Variants in IFT46 observed in about 807,000 individuals in gnomAD.
The protein encoded by IFT46 is intraflagellar transport 46, also known as intraflagellar transport protein 46 homolog.
A neutral mutation model predicts 39.6 loss-of-function variants in IFT46; 19 were observed. The observed-to-expected ratio is 0.48, with a 90% CI of 0.33 to 0.70. IFT46 has a LOEUF of 0.70. Among genes scored for constraint, IFT46 ranks in the 30% least tolerant of loss-of-function variants. IFT46 has a pLI of 0.01. For missense variants in IFT46, 334 were observed against 364.8 expected (o/e 0.92, Z 0.69); for synonymous variants, 117 against 134.8 (o/e 0.87, Z 0.91).
intron 2 of IFT46, chr11:118,560,473 AG>A (rs1298463983): frequency 2.2e-5 from 2 of 92,760 alleles, no homozygotes; most frequent in East Asian, 3.2e-4. Flanking sequence ...AGGGGAGGGG[AG>A]GGGGAAAAGA....
At chr11:118,562,427 A>G (rs1938090930) in intron 2 of IFT46, among the ~76,000 whole-genome samples, 1 of 151,948 alleles carries the variant, frequency 6.6e-6, no homozygotes. Context: ...GTGACAGAGC[A>G]AAACTCTGTC....
chr11:118,559,945 G>T, intron 2 of IFT46, 81 bp from the exon 3 acceptor site: 2 of 774,422 alleles, frequency 2.6e-6, no homozygotes, highest in Non-Finnish European at 2.2e-6. Context: ...AATATTTTAT[G>T]CTCTAACCAT....
chr11:118,561,371 A>C lies in IFT46; in HGVS notation c.-35-1507T>G, dbSNP rs1938049677. On this transcript the variant is annotated intron_variant, in intron 2 of 11. Transcript: ENST00000264021. ...GAACCAGTTCTCTCAATGCATAAAGAAGAGCGTAACTCCAGACATGATGGA... is the reference window on the plus strand; with the variant it reads ...GAACCAGTTCTCTCAATGCATAAAGCAGAGCGTAACTCCAGACATGATGGA... 1.0e-5 allele frequency: 9 copies of C among 859,396 alleles called. No homozygotes were observed. The South Asian group carries it at 1.2e-4, about 11-fold the overall frequency. The allele number at this position is 859,396 out of a possible 1,614,324, so 53.2% of individuals were successfully genotyped here.
In IFT46 at chr11:118,551,816, C is replaced by T; in HGVS notation, c.642G>A (p.Trp214Ter). 6.2e-7 allele frequency: 1 copy of T among 1,614,090 alleles called. No homozygotes were observed. Among genetic ancestry groups the T allele is most frequent in the Non-Finnish European group, 8.5e-7 (1 of 1,180,010 alleles). ...MPDIDTLMQEWSPEFEELLGK... is the reference protein window; with the variant it reads ...MPDIDTLMQE ...CCAAAAGCTCTTCAAACTCCGGGGACCATTCCTGCATCAGCGTGTCAATGT... is the reference window on the plus strand; with the variant it reads ...CCAAAAGCTCTTCAAACTCCGGGGATCATTCCTGCATCAGCGTGTCAATGT... The change falls in exon 9 of 12, where the codon TGG becomes TGA. Residue 214 changes from tryptophan (W) to a stop codon, truncating the protein, a stop_gained. Coordinates refer to ENST00000264021, the MANE Select transcript of IFT46 (RefSeq NM_001168618.2). LOFTEE classifies it high-confidence loss of function.
intron 3 of IFT46, among the ~76,000 whole-genome samples, chr11:118,558,576 C>G (rs1937920818): frequency 6.6e-6 from 1 of 151,798 alleles, no homozygotes; most frequent in South Asian, 2.1e-4. Flanking sequence ...GCTTAGGCAA[C>G]AGAGCGAGAT....
intron 1 of IFT46, chr11:118,572,465 G>C (rs1012958741): frequency 6.7e-7 from 1 of 1,496,276 alleles, no homozygotes; most frequent in Non-Finnish European, 9.2e-7. Context: ...CAGGTCCAGA[G>C]CTGCTGGTGC....
intron 8 of IFT46, 22 bp from the exon 9 acceptor site, chr11:118,551,874 T>A (rs1390360040): frequency 4.4e-6 from 7 of 1,607,984 alleles, no homozygotes; most frequent in Non-Finnish European, 6.0e-6. Context: ...AAGGTAAATA[T>A]GAACAAGAAA....
intron 4 of IFT46, 135 bp downstream of exon 4, chr11:118,556,771 G>C: frequency 9.2e-7 from 1 of 1,090,162 alleles, no homozygotes; most frequent in Non-Finnish European, 1.3e-6. Flanking sequence ...TTGGGTTTCT[G>C]AGACATCTGA....
intron 2 of IFT46, chr11:118,561,137 G>T (rs1938042717): frequency 4.1e-6 from 6 of 1,471,632 alleles, no homozygotes; most frequent in Admixed American, 3.4e-5. Context: ...TACAGGTCTT[G>T]CCAGAACTAC....
At chr11:118,554,175 T>C (rs1363443102) in intron 7 of IFT46, among the ~76,000 whole-genome samples, 1 of 151,458 alleles carries the variant, frequency 6.6e-6, no homozygotes, top group African/African-American at 2.4e-5. Context: ...CTCAGCCTCC[T>C]GAGTAGCTGG....
intron 3 of IFT46, chr11:118,557,689 A>T (rs782489449): frequency 2.5e-6 from 4 of 1,605,406 alleles, no homozygotes; most frequent in African/African-American, 2.7e-5. Context: ...ATGACTACAC[A>T]TTCTCTCTCA....
At chr11:118,545,252 C>T (rs1211291214) in intron 11 of IFT46, among the ~76,000 whole-genome samples, 157 bp downstream of exon 11, 2 of 152,122 alleles carry the variant, frequency 1.3e-5, no homozygotes, top group East Asian at 3.9e-4. Flanking sequence ...AAAACTCCAT[C>T]CCTGCCTCCT....
At chr11:118,572,354 C>CA (rs1555072522) in intron 1 of IFT46, 2 of 143,396 alleles carry the variant, frequency 1.4e-5, no homozygotes, top group African/African-American at 5.1e-5. Context: ...CCCCGCCCCC[C>CA]CCCCCGCCCT....
intron 2 of IFT46, 46 bp from the exon 3 acceptor site, chr11:118,559,910 TA>T: frequency 1.8e-6 from 2 of 1,104,356 alleles, no homozygotes; most frequent in Non-Finnish European, 2.7e-6. Context: ...AAATGATTTT[TA>T]AAAACAAGTA....
At chr11:118,560,978 A>T in intron 2 of IFT46, 1 of 1,380,994 alleles carries the variant, frequency 7.2e-7, no homozygotes, top group Non-Finnish European at 1.0e-6. Context: ...TTATGCTGCA[A>T]CTTATTGTAC....
intron 2 of IFT46, chr11:118,560,971 T>C (rs2135505424): frequency 7.4e-7 from 1 of 1,358,282 alleles, no homozygotes; most frequent in East Asian, 2.3e-5. Flanking sequence ...TGACAAATTA[T>C]GCTGCAACTT....
chr11:118,555,982 T>A (rs1439397636), intron 4 of IFT46, among the ~76,000 whole-genome samples: 4 of 151,414 alleles, frequency 2.6e-5, no homozygotes, highest in Admixed American at 6.6e-5. Flanking sequence ...AAAAAAAAAA[T>A]TATAGAAGTG....
intron 9 of IFT46, 121 bp from the exon 10 acceptor site, chr11:118,545,974 T>G: frequency 6.1e-6 from 5 of 819,128 alleles, no homozygotes; most frequent in Middle Eastern, 2.2e-4. Flanking sequence ...TGAAATGTGT[T>G]CCCCTAAAAT....
chr11:118,545,355 G>A, intron 11 of IFT46, 54 bp downstream of exon 11: 1 of 1,300,718 alleles, frequency 7.7e-7, no homozygotes, highest in Non-Finnish European at 1.1e-6. Context: ...CAGAACAGTA[G>A]AAACTATAGT....
Sources: allele counts gnomAD v4.1 joint callset (sites outside exome capture counted in the v4.1 genomes callset), GRCh38; gene constraint gnomAD v4.1.1; transcripts MANE v1.5; gene names NCBI Gene and HGNC (gene_info 2026-07-23, HGNC 2026-07-21).